Variants in SHROOM3 observed in about 807,000 individuals in gnomAD.
SHROOM3 encodes shroom family member 3, also known as protein Shroom3.
SHROOM3 carries 47 observed loss-of-function variants against 138.6 expected under a neutral mutation model. The ratio of observed to expected loss-of-function variants is 0.34; its 90% CI spans 0.27 to 0.43. The LOEUF is 0.43. SHROOM3 is among the 20% of genes least tolerant of loss of function. The pLI is 1.00. For synonymous variants in SHROOM3, 1,062 were observed against 1,063.3 expected (o/e 1.00, Z 0.02); for missense variants, 2,491 against 2,596.5 (o/e 0.96, Z 0.88).
intron 2 of SHROOM3, among the ~76,000 whole-genome samples, chr4:76,578,479 T>G (rs886459599): frequency 6.6e-6 from 1 of 152,192 alleles, no homozygotes; most frequent in Non-Finnish European, 1.5e-5. Context: ...GTGAACTGCA[T>G]GGGGTTGTTG....
intron 2 of SHROOM3, among the ~76,000 whole-genome samples, chr4:76,608,718 CAGCACAGCACAGCATAGCATAGCAT>C (rs1560563483): frequency 6.0e-5 from 7 of 117,050 alleles, no homozygotes; most frequent in East Asian, 5.1e-4. Context: ...CAGCACAGCA[CAGCACAGCACAGCATAGCATAGCAT>C]AGCACAGTGT....
At chr4:76,495,764 G>A (rs1245587455) in intron 1 of SHROOM3, among the ~76,000 whole-genome samples, 2 of 152,226 alleles carry the variant, frequency 1.3e-5, no homozygotes, top group African/African-American at 4.8e-5. Flanking sequence ...TGGAGAATGG[G>A]AGCAGTGTCT....
At chr4:76,534,396 G>T (rs1198553976) in intron 1 of SHROOM3, among the ~76,000 whole-genome samples, 2 of 152,120 alleles carry the variant, frequency 1.3e-5, no homozygotes, top group Non-Finnish European at 2.9e-5. Context: ...CGGATAAATT[G>T]TCTGTTTAGT....
At chr4:76,509,261 C>T (rs1472034700) in intron 1 of SHROOM3, 2 of 151,594 alleles carry the variant, frequency 1.3e-5, no homozygotes, top group South Asian at 2.1e-4. Context: ...TCCCCCCCTC[C>T]GAATCCAGCA....
Position 76,740,406 on chromosome 4 carries a change from C to G in SHROOM3, c.2233C>G (p.Pro745Ala), listed in dbSNP as rs759453685. 6.2e-7 allele frequency: 1 copy of G among 1,613,062 alleles called. No individual in the cohort carries two copies. Among genetic ancestry groups the G allele is most frequent in the Non-Finnish European group, 8.5e-7 (1 of 1,179,932 alleles). ...CAGCACAGACCCAAGTCCCGAAGAG[C>G]CGCCTGCCCCCTCGCACCCGCACAC... is the stretch of plus-strand genomic sequence containing the variant. ...FNSTDPSPEE[P>A]PAPSHPHTSS... Residue 745 changes from proline (P) to alanine (A), a missense_variant, in exon 5 of 11, where the codon CCG (proline) becomes GCG (alanine). Pro to Ala is a conservative substitution (Grantham distance 27). Transcript: ENST00000296043. The surrounding 1 kb of genome is among the most constrained non-coding windows in gnomAD (Gnocchi z 4.0).
At position 76,767,706 on chromosome 4, in the gene SHROOM3, C is replaced by A. The variant is rs116571937; in HGVS notation, c.5350-2920C>A. On this transcript the variant is annotated intron_variant, in intron 9 of 10. Transcript: ENST00000296043. ...AAAAACAAAACAACAAAAAAAGCAG[C>A]CTCTAAGAGCCACAGGAGGATTTTT... 9.6e-3 allele frequency among the ~76,000 whole-genome samples: 1,462 copies of A among 151,992 alleles called. 19 individuals are homozygous for A. Among genetic ancestry groups the A allele is most frequent in the African/African-American group, 0.033 (1,387 of 41,466 alleles).
At chr4:76,472,103 T>G (rs1006353618) in intron 1 of SHROOM3, among the ~76,000 whole-genome samples, 1 of 152,214 alleles carries the variant, frequency 6.6e-6, no homozygotes, top group Non-Finnish European at 1.5e-5. Flanking sequence ...ATGGTGAGCA[T>G]GCAATAAATA....
At chr4:76,727,451 C>T (rs1199705146) in intron 3 of SHROOM3, among the ~76,000 whole-genome samples, 1 of 152,168 alleles carries the variant, frequency 6.6e-6, no homozygotes, top group African/African-American at 2.4e-5. Flanking sequence ...GGCAGCCTAC[C>T]TTCAAGGAAC....
At chr4:76,574,435 T>G (rs1733896633) in intron 2 of SHROOM3, among the ~76,000 whole-genome samples, 1 of 152,152 alleles carries the variant, frequency 6.6e-6, no homozygotes, top group Non-Finnish European at 1.5e-5. Flanking sequence ...TTACCAAGTC[T>G]TCCCCATGAT....
chr4:76,741,814 C>T lies in SHROOM3; in HGVS notation c.3641C>T (p.Ala1214Val), dbSNP rs1406776761. The T allele has an allele frequency of 3.8e-6, 6 of 1,588,840 alleles. No homozygotes were observed. Among genetic ancestry groups the T allele is most frequent in the Non-Finnish European group, 5.1e-6 (6 of 1,168,108 alleles). Reference protein sequence around the residue: ...ETPREPSSWGARAGKSMSAED... With the variant: ...ETPREPSSWGVRAGKSMSAED... Reference sequence around the variant, plus strand: ...CCCAGGGAGCCATCCTCCTGGGGGGCCAGGGCCGGGAAGTCCATGTCGGCC... The same window carrying T: ...CCCAGGGAGCCATCCTCCTGGGGGGTCAGGGCCGGGAAGTCCATGTCGGCC... The change falls in exon 5 of 11, where the codon GCC (alanine) becomes GTC (valine). Residue 1214 changes from alanine (A) to valine (V), a missense_variant. This residue lies in a region of SHROOM3 where 1,733 missense variants were observed against 1,661.6 expected (regional missense o/e 1.04). Coordinates refer to ENST00000296043, the MANE Select transcript of SHROOM3 (RefSeq NM_020859.4). The surrounding 1 kb of genome is among the most constrained non-coding windows in gnomAD (Gnocchi z 6.2).
intron 1 of SHROOM3, among the ~76,000 whole-genome samples, chr4:76,512,031 G>A (rs530489543): frequency 6.6e-6 from 1 of 152,328 alleles, no homozygotes; most frequent in African/African-American, 2.4e-5. Context: ...GTCCGAGGGA[G>A]TGGGCCTGAG....
chr4:76,620,172 T>C (rs1734972325), intron 2 of SHROOM3, among the ~76,000 whole-genome samples: 1 of 151,502 alleles, frequency 6.6e-6, no homozygotes, highest in South Asian at 2.1e-4. Context: ...ACTTGTGGAA[T>C]TGTGAGGTTG....
intron 2 of SHROOM3, among the ~76,000 whole-genome samples, chr4:76,589,507 C>A (rs1179368285): frequency 6.6e-6 from 1 of 151,750 alleles, no homozygotes; most frequent in Non-Finnish European, 1.5e-5. Flanking sequence ...TGGCATCAGT[C>A]ACTGAAGGAG....
At chr4:76,640,689 T>C (rs1735642220) in intron 2 of SHROOM3, among the ~76,000 whole-genome samples, 1 of 152,208 alleles carries the variant, frequency 6.6e-6, no homozygotes, top group South Asian at 2.1e-4. Flanking sequence ...GTTGGCATCA[T>C]TGCCGTTCTA....
rs1722737908 is a variant in SHROOM3, at chr4:76,781,559, A to C, written c.*2382A>C. ...TTGTGTCCATTCTTTCATTATGTGG[A>C]AACTTTGTTCTGTTATGTGAAATGG... On this transcript the variant is annotated 3_prime_UTR_variant, in exon 11 of 11. Transcript: ENST00000296043. 1 of 152,230 alleles carries C rather than the reference A, an allele frequency of 6.6e-6. No homozygotes were observed. The highest frequency in any genetic ancestry group is 6.5e-5 in the Admixed American group (1 of 15,280). The allele number at this position is 152,230 out of a possible 1,614,324, so 9.4% of individuals were successfully genotyped here. A position where few individuals can be genotyped will look rare whatever the true frequency, so the allele number is the denominator to read the frequency against.
At chr4:76,662,971 C>T (rs570476952) in intron 2 of SHROOM3, among the ~76,000 whole-genome samples, 1 of 151,920 alleles carries the variant, frequency 6.6e-6, no homozygotes, top group South Asian at 2.1e-4. Flanking sequence ...GAGAGAGATT[C>T]ACAGAGTTGG....
chr4:76,537,742 C>G (rs1261230301), intron 1 of SHROOM3, among the ~76,000 whole-genome samples: 1 of 152,106 alleles, frequency 6.6e-6, no homozygotes, highest in Non-Finnish European at 1.5e-5. Flanking sequence ...GGTGCCCTCA[C>G]AGGGGGCATT....
At chr4:76,716,535 C>CCTG (rs1720382222) in intron 3 of SHROOM3, 1 of 431,398 alleles carries the variant, frequency 2.3e-6, no homozygotes, top group African/African-American at 2.0e-5. Context: ...AAATAACCAA[C>CCTG]TGCCTGTTAG....
At position 76,740,291 on chromosome 4, in the gene SHROOM3, G is replaced by T. The variant is rs1278392673; in HGVS notation, c.2118G>T (p.Arg706Ser). 1.9e-6 allele frequency: 3 copies of T among 1,613,178 alleles called. No homozygotes were observed. In the South Asian group the frequency reaches 3.3e-5, roughly 18 times the overall value. The change falls in exon 5 of 11, where the codon AGG becomes AGT. Residue 706 changes from arginine (R) to serine (S), a missense_variant. This residue lies in a region of SHROOM3 where 1,733 missense variants were observed against 1,661.6 expected (regional missense o/e 1.04). Transcript: ENST00000296043. This position sits in a 1 kb window ranked among gnomAD's most constrained non-coding sequence, Gnocchi z 4.0. ...AVNTKAEDPG[R>S]KAAPDLGSHL... is the part of the protein sequence containing the mutation. ...ACACCAAGGCAGAAGACCCTGGGAG[G>T]AAAGCCGCTCCTGACCTCGGGAGCC... is the stretch of plus-strand genomic sequence containing the variant.
Sources: gnomAD v4.1 joint callset for allele counts (sites outside exome capture counted in the v4.1 genomes callset) on GRCh38, gnomAD v4.1.1 for gene constraint, gnomAD v4.1.1 regional missense constraint, Gnocchi (gnomAD v3.1) non-coding constraint, MANE v1.5 for transcripts, NCBI Gene and HGNC (gene_info 2026-07-23, HGNC 2026-07-21) for gene names.